MRC2: variants seen among roughly 807,000 people sequenced by gnomAD.
The protein encoded by MRC2 is mannose receptor C-type 2.
Under a neutral mutation model 206.2 loss-of-function variants are expected in MRC2, and 84 were observed. The observed-to-expected ratio is 0.41, with a 90% CI of 0.34 to 0.49. MRC2 has a LOEUF of 0.49. Ranked by LOEUF, MRC2 falls within the 20% of genes least tolerant of loss-of-function variation. MRC2 has a pLI of 0.31. For synonymous variants in MRC2, 798 were observed against 800.0 expected (o/e 1.00, Z 0.04); for missense variants, 1,676 against 2,001.5 (o/e 0.84, Z 3.10).
chr17:62,673,997 CAAG>C (rs2147474299), intron 8 of MRC2, 63 bp from the exon 9 acceptor site: 1 of 1,288,328 alleles, frequency 7.8e-7, no homozygotes, highest in Non-Finnish European at 1.1e-6. Flanking sequence ...AACCAGATTC[CAAG>C]AAGGATTTGG....
intron 1 of MRC2, among the ~76,000 whole-genome samples, chr17:62,638,215 T>C (rs1210168541): frequency 6.6e-6 from 1 of 152,098 alleles, no homozygotes. Context: ...GAAAGACAAG[T>C]GTTCCAAAGA....
intron 1 of MRC2, among the ~76,000 whole-genome samples, chr17:62,649,072 G>C (rs1360832415): frequency 6.6e-6 from 1 of 152,190 alleles, no homozygotes; most frequent in Non-Finnish European, 1.5e-5. Flanking sequence ...CGGAAGTGAG[G>C]CAGCCAATCC....
intron 1 of MRC2, among the ~76,000 whole-genome samples, chr17:62,644,590 A>G (rs1432421513): frequency 3.3e-5 from 5 of 152,176 alleles, no homozygotes; most frequent in Non-Finnish European, 5.9e-5. Flanking sequence ...ATGGAGTGGC[A>G]GCGGGCATCT....
intron 20 of MRC2, 69 bp from the exon 21 acceptor site, chr17:62,688,220 C>G: frequency 1.4e-6 from 2 of 1,380,862 alleles, no homozygotes; most frequent in Non-Finnish European, 2.0e-6. Context: ...GAGGGGCGCA[C>G]AGTGGCCTTT....
chr17:62,635,124 C>T (rs886275935), intron 1 of MRC2, among the ~76,000 whole-genome samples: 2 of 151,824 alleles, frequency 1.3e-5, no homozygotes, highest in African/African-American at 2.4e-5. Context: ...CACCACCATG[C>T]CCAGCCCCAT....
intron 14 of MRC2, 50 bp downstream of exon 14, chr17:62,679,952 C>T (rs2088940985): frequency 1.2e-6 from 1 of 821,950 alleles, no homozygotes; most frequent in Non-Finnish European, 1.8e-6. Flanking sequence ...GCTTGGTGGG[C>T]GGGGCCTGTT....
At chr17:62,676,748 C>T (rs1484604301) in intron 11 of MRC2, 1 of 522,256 alleles carries the variant, frequency 1.9e-6, no homozygotes, top group African/African-American at 2.0e-5. Flanking sequence ...GTTTTCTCAT[C>T]TGTCCAGTGG....
chr17:62,628,417 C>T (rs938131861), intron 1 of MRC2, among the ~76,000 whole-genome samples: 2 of 152,154 alleles, frequency 1.3e-5, no homozygotes, highest in Non-Finnish European at 2.9e-5. Context: ...CCCCCCGCCC[C>T]CTGCATCTCG....
chr17:62,690,854 G>A (rs760037044), intron 27 of MRC2, 93 bp downstream of exon 27: 10 of 1,490,882 alleles, frequency 6.7e-6, no homozygotes, highest in Admixed American at 4.8e-5. Context: ...GGGGCTTGTC[G>A]GGGGACAGGG....
At chr17:62,643,055 C>T (rs560761545) in intron 1 of MRC2, among the ~76,000 whole-genome samples, 2 of 152,184 alleles carry the variant, frequency 1.3e-5, no homozygotes, top group Non-Finnish European at 2.9e-5. Flanking sequence ...TAGCCAGGCG[C>T]GGTTGCTCTC....
Position 62,680,057 on chromosome 17 carries a change from C to A in MRC2, c.2299-113C>A, listed in dbSNP as rs999060853. The A allele has an allele frequency of 2.6e-6, 4 of 1,538,866 alleles. No homozygotes were observed. The highest frequency in any genetic ancestry group is 2.7e-5 in the African/African-American group (2 of 73,476). ...AGCAGGTCCGAGAGGGGTCACCCGG[C>A]CCCCGGTGAGAATTCGCAGCTCAGG... On this transcript the variant is annotated intron_variant, in intron 14 of 29. Coordinates refer to ENST00000303375, the MANE Select transcript of MRC2 (RefSeq NM_006039.5). This position sits in a 1 kb window ranked among gnomAD's most constrained non-coding sequence, Gnocchi z 4.8.
Position 62,690,197 on chromosome 17 carries a change from C to CCCCAGGGACTGGCAGACTCCGCCA in MRC2, c.3806_3807insCACCCAGGGACTGGCAGACTCCGC (p.Ala1269_Trp1270insThrGlnGlyLeuAlaAspSerAla). 1 of 1,611,892 alleles carries CCCCAGGGACTGGCAGACTCCGCCA rather than the reference C, an allele frequency of 6.2e-7. No homozygotes were observed. Among genetic ancestry groups the CCCCAGGGACTGGCAGACTCCGCCA allele is most frequent in the Non-Finnish European group, 8.5e-7 (1 of 1,178,468 alleles). On this transcript the variant is annotated inframe_insertion, in exon 26 of 30. Coordinates refer to ENST00000303375, the MANE Select transcript of MRC2 (RefSeq NM_006039.5). ...AAGAATAAGCTACCATGGCAGCTGT[C>CCCCAGGGACTGGCAGACTCCGCCA]CCCAGGGACTGGCAGACTCCGCGTG...
Position 62,678,555 on chromosome 17 carries a change from G to A in MRC2, c.2104G>A (p.Gly702Arg), listed in dbSNP as rs1252885489. ...QDKKSWVQAQ[G>R]ACQELGAQLL... ...CAAGAAGAGCTGGGTCCAGGCCCAG[G>A]GGGCCTGCCAGGAGCTGGGGGCCCA... Residue 702 changes from glycine to arginine, a missense_variant, in exon 13 of 30, where the codon GGG becomes AGG. Physicochemically the swap from Gly to Arg is moderately radical, Grantham distance 125. Coordinates refer to ENST00000303375, the MANE Select transcript of MRC2 (RefSeq NM_006039.5). The A allele has an allele frequency of 6.2e-7, 1 of 1,610,478 alleles. No homozygotes were observed. Among genetic ancestry groups the A allele is most frequent in the Admixed American group, 1.7e-5 (1 of 58,836 alleles).
intron 1 of MRC2, among the ~76,000 whole-genome samples, chr17:62,635,775 C>T (rs545869024): frequency 6.6e-6 from 1 of 152,046 alleles, no homozygotes; most frequent in East Asian, 1.9e-4. Context: ...CATAACAAGA[C>T]CCTGTGTCTA....
intron 1 of MRC2, among the ~76,000 whole-genome samples, chr17:62,659,709 A>G (rs772709406): frequency 4.6e-5 from 7 of 151,950 alleles, no homozygotes; most frequent in Admixed American, 1.3e-4. Context: ...CCAGAGAGGA[A>G]CCCCATCCAA....
chr17:62,681,579 G>T (rs970007107), intron 18 of MRC2: 1 of 492,916 alleles, frequency 2.0e-6, no homozygotes, highest in Non-Finnish European at 3.6e-6. Context: ...TTGCCCTTGG[G>T]CTTCCTGCCC....
intron 20 of MRC2, 144 bp downstream of exon 20, chr17:62,682,521 TC>T: frequency 1.0e-6 from 1 of 957,378 alleles, no homozygotes; most frequent in Non-Finnish European, 1.5e-6. Flanking sequence ...TTCACCTGGC[TC>T]CAGTACCAGG....
In MRC2 at chr17:62,672,500, C is replaced by G. The variant is rs1051994049; in HGVS notation, c.1461+348C>G. On this transcript the variant is annotated intron_variant, in intron 8 of 29. Transcript: ENST00000303375. This position sits in a 1 kb window ranked among gnomAD's most constrained non-coding sequence, Gnocchi z 4.5. ...TCCCTGCCAGAAGGTGGCATCAGAA[C>G]CCACATTATGTGCAGATACTTTGCA... Among the ~76,000 whole-genome samples, 2 of 152,160 alleles carry G rather than the reference C, an allele frequency of 1.3e-5. No homozygotes were observed. Among genetic ancestry groups the G allele is most frequent in the African/African-American group, 4.8e-5 (2 of 41,426 alleles).
chr17:62,676,298 G>T, intron 10 of MRC2, 85 bp from the exon 11 acceptor site: 2 of 1,547,180 alleles, frequency 1.3e-6, no homozygotes, highest in South Asian at 1.2e-5. Flanking sequence ...TGCAGCACCC[G>T]AGCTCCCACG....
Sources: gnomAD v4.1 joint callset for allele counts (sites outside exome capture counted in the v4.1 genomes callset) on GRCh38, gnomAD v4.1.1 for gene constraint, Gnocchi (gnomAD v3.1) non-coding constraint, MANE v1.5 for transcripts, NCBI Gene and HGNC (gene_info 2026-07-23, HGNC 2026-07-21) for gene names.